Variants in EYS observed in about 807,000 individuals in gnomAD.
EYS encodes protein eyes shut homolog.
EYS carries 250 observed loss-of-function variants against 282.1 expected under a neutral mutation model. The observed-to-expected ratio is 0.89, with a 90% confidence interval of 0.80 to 0.98. The LOEUF (loss-of-function observed/expected upper bound fraction) is 0.98. Ranked by LOEUF, EYS falls within the 50% of genes least tolerant of loss-of-function variation. The pLI is 0.00. For missense variants in EYS, 4,016 were observed against 3,709.0 expected (o/e 1.08, Z -2.15); for synonymous variants, 1,355 against 1,282.9 (o/e 1.06, Z -1.20).
chr6:63,999,118 G>A lies in EYS; in HGVS notation c.6791C>T (p.Pro2264Leu). The change falls in exon 34 of 43, where the codon CCT (proline) becomes CTT (leucine). Residue 2264 changes from proline (P) to leucine (L), a missense_variant. By Grantham distance (98) the Pro-to-Leu change is moderately conservative. Coordinates refer to ENST00000503581, the MANE Select transcript of EYS (RefSeq NM_001142800.2). ...CMIEMTADGKPPVQKKDTEIS... is the reference protein window; with the variant it reads ...CMIEMTADGKLPVQKKDTEIS... ...CTCTGTGTCTTTCTTCTGTACTGGA[G>A]GTTTTCCATCTGCAGTCATTTCAAT... 6.4e-7 allele frequency: 1 copy of A among 1,551,778 alleles called. No individual in the cohort carries two copies. Among genetic ancestry groups the A allele is most frequent in the Non-Finnish European group, 8.7e-7 (1 of 1,146,902 alleles).
intron 21 of EYS, among the ~76,000 whole-genome samples, chr6:64,814,292 C>G (rs1178011404): frequency 6.6e-6 from 1 of 151,916 alleles, no homozygotes; most frequent in African/African-American, 2.4e-5. Context: ...CTTACTTATT[C>G]AACAAATGGT....
intron 13 of EYS, among the ~76,000 whole-genome samples, chr6:65,054,021 T>C (rs1773346726): frequency 1.3e-5 from 2 of 151,964 alleles, no homozygotes; most frequent in Non-Finnish European, 2.9e-5. Flanking sequence ...TTCTAAGTTT[T>C]ACAAATAGAA....
chr6:65,361,052 ATAAT>A (rs537205013), intron 8 of EYS, among the ~76,000 whole-genome samples: 146 of 152,172 alleles, frequency 9.6e-4, no homozygotes, highest in Non-Finnish European at 1.6e-3. Context: ...CCAAGGTATT[ATAAT>A]TAATTTCTAA....
At chr6:65,080,995 G>A (rs533120660) in intron 12 of EYS, among the ~76,000 whole-genome samples, 107 of 152,166 alleles carry the variant, frequency 7.0e-4, no homozygotes, top group African/African-American at 2.5e-3. Context: ...GTCTCAGCAG[G>A]TAGAAATGCT....
intron 26 of EYS, among the ~76,000 whole-genome samples, chr6:64,536,433 A>G (rs376755758): frequency 2.6e-5 from 4 of 152,198 alleles, no homozygotes; most frequent in African/African-American, 9.6e-5. Context: ...CGACAATTAC[A>G]GGTACTCTCT....
chr6:64,177,161 A>G (rs985486187), intron 31 of EYS, among the ~76,000 whole-genome samples: 1 of 151,674 alleles, frequency 6.6e-6, no homozygotes, highest in Non-Finnish European at 1.5e-5. Flanking sequence ...TATCAAAGTT[A>G]CTCTATAACA....
intron 12 of EYS, among the ~76,000 whole-genome samples, chr6:65,187,973 CATT>C (rs1298367657): frequency 1.3e-5 from 2 of 151,558 alleles, no homozygotes; most frequent in Non-Finnish European, 3.0e-5. Context: ...TTTCTTAAGA[CATT>C]AGAGTAGCAT....
At chr6:65,230,377 A>C (rs1250045871) in intron 12 of EYS, among the ~76,000 whole-genome samples, 1 of 19,444 alleles carries the variant, frequency 5.1e-5, no homozygotes, top group Non-Finnish European at 2.0e-4. Flanking sequence ...GCAACCATCT[A>C]TGAGGTCAAT....
intron 28 of EYS, among the ~76,000 whole-genome samples, chr6:64,415,480 C>G (rs148589185): frequency 6.6e-6 from 1 of 152,180 alleles, no homozygotes; most frequent in East Asian, 1.9e-4. Flanking sequence ...TTTACATTCT[C>G]TCTGTCCTAA....
intron 19 of EYS, among the ~76,000 whole-genome samples, chr6:64,866,750 A>G (rs1211957527): frequency 4.0e-5 from 6 of 151,730 alleles, no homozygotes; most frequent in South Asian, 2.1e-4. Flanking sequence ...ATTTTTTTCA[A>G]TGACAAGTTC....
intron 11 of EYS, 110 bp from the exon 12 acceptor site, chr6:65,296,229 A>C: frequency 8.5e-7 from 1 of 1,180,626 alleles, no homozygotes; most frequent in Non-Finnish European, 1.2e-6. Flanking sequence ...TATTTAATGA[A>C]GATAGTTGTG....
At chr6:65,681,621 G>A (rs954337908) in intron 1 of EYS, among the ~76,000 whole-genome samples, 4 of 151,876 alleles carry the variant, frequency 2.6e-5, no homozygotes, top group African/African-American at 9.7e-5. Context: ...CAGAAGACAT[G>A]AGACTCCTGG....
intron 22 of EYS, among the ~76,000 whole-genome samples, chr6:64,640,534 A>C (rs1205398424): frequency 6.7e-6 from 1 of 150,188 alleles, no homozygotes; most frequent in African/African-American, 2.4e-5. Flanking sequence ...ACACATGGAC[A>C]CAGGAAGGGG....
intron 8 of EYS, among the ~76,000 whole-genome samples, chr6:65,383,335 C>G (rs1447766932): frequency 1.3e-5 from 2 of 151,496 alleles, no homozygotes; most frequent in Non-Finnish European, 2.9e-5. Flanking sequence ...CTTTATTTCA[C>G]TTTTATAGTA....
intron 9 of EYS, among the ~76,000 whole-genome samples, chr6:65,352,214 CTAAT>C: frequency 6.6e-6 from 1 of 151,772 alleles, no homozygotes. Context: ...GTTTAAAAGG[CTAAT>C]TGTTAGTTTA....
intron 19 of EYS, among the ~76,000 whole-genome samples, chr6:64,841,913 A>G (rs911190900): frequency 3.3e-5 from 5 of 152,148 alleles, no homozygotes; most frequent in Non-Finnish European, 7.3e-5. Flanking sequence ...TCCTAATTCC[A>G]CAGTCCTTTA....
intron 31 of EYS, among the ~76,000 whole-genome samples, chr6:64,209,131 T>A (rs1301701707): frequency 6.6e-6 from 1 of 152,132 alleles, no homozygotes. Flanking sequence ...GCTTAACAAC[T>A]GCCATATCAA....
chr6:65,238,792 C>T (rs1247093508), intron 12 of EYS, among the ~76,000 whole-genome samples: 1 of 151,798 alleles, frequency 6.6e-6, no homozygotes, highest in Non-Finnish European at 1.5e-5. Flanking sequence ...ATTTTTATGT[C>T]CTGTTCCACA....
At chr6:64,404,887 T>A (rs548779201) in intron 28 of EYS, among the ~76,000 whole-genome samples, 2 of 152,160 alleles carry the variant, frequency 1.3e-5, no homozygotes, top group South Asian at 2.1e-4. Context: ...GAAGAATTGA[T>A]GCAGAATCAT....
Sources: allele counts gnomAD v4.1 joint callset (sites outside exome capture counted in the v4.1 genomes callset), GRCh38; gene constraint gnomAD v4.1.1; transcripts MANE v1.5; gene names NCBI Gene and HGNC (gene_info 2026-07-23, HGNC 2026-07-21).